APCDD1L: variants seen among roughly 807,000 people sequenced by gnomAD.
The protein encoded by APCDD1L is protein APCDD1-like.
A neutral mutation model predicts 24.2 loss-of-function variants in APCDD1L; 21 were observed. The ratio of observed to expected loss-of-function variants is 0.87; its 90% CI spans 0.61 to 1.25. The LOEUF (loss-of-function observed/expected upper bound fraction) is 1.25. Among genes scored for constraint, APCDD1L ranks in the 50% most tolerant of loss-of-function variants. The probability of loss-of-function intolerance (pLI) is 0.00; values close to 1 mark genes in which losing one functional copy is unlikely to be tolerated. For synonymous variants in APCDD1L, 321 were observed against 323.6 expected (o/e 0.99, Z 0.09); for missense variants, 704 against 711.7 (o/e 0.99, Z 0.12).
At position 58,461,753 on chromosome 20, in the gene APCDD1L, T is replaced by C; in HGVS notation, c.742-199A>G. 1 of 467,566 alleles carries C rather than the reference T, an allele frequency of 2.1e-6. No homozygotes were observed. Among genetic ancestry groups the C allele is most frequent in the East Asian group, 3.5e-5 (1 of 28,894 alleles). The allele number at this position is 467,566 out of a possible 1,614,324, so 29.0% of individuals were successfully genotyped here. On this transcript the variant is annotated intron_variant, in intron 3 of 3. Coordinates refer to ENST00000371149, the MANE Select transcript of APCDD1L (RefSeq NM_153360.3). The surrounding 1 kb of genome is among the most constrained non-coding windows in gnomAD (Gnocchi z 6.0). ...GCCAGGATGGCCTCCTTGATGGAGG[T>C]CAGCCCCTGTATCCCCCGGGCCTTG...
At chr20:58,503,377 C>G (rs1011911969) in intron 1 of APCDD1L, among the ~76,000 whole-genome samples, 1 of 152,178 alleles carries the variant, frequency 6.6e-6, no homozygotes, top group Non-Finnish European at 1.5e-5. Flanking sequence ...TTGGTTAAAG[C>G]TGATGGGCCA....
Position 58,467,337 on chromosome 20 carries a change from A to G in APCDD1L, c.510T>C (p.Pro170=), listed in dbSNP as rs1176161745. 2.0e-6 allele frequency: 3 copies of G among 1,497,578 alleles called. No individual in the cohort carries two copies. The highest frequency in any genetic ancestry group is 1.5e-5 in the African/African-American group (1 of 68,534). 92.8% of individuals were successfully genotyped at this position (1,497,578 alleles called of 1,614,324 possible). A position where few individuals can be genotyped will look rare whatever the true frequency, so the allele number is the denominator to read the frequency against. ...RRLPPARAWL[P]GALYELRSAR... ...CGCTCCGCAGCTCGTACAGCGCCCCAGGCAGCCAGGCCCGGGCCGGAGGCA... is the reference window on the plus strand; with the variant it reads ...CGCTCCGCAGCTCGTACAGCGCCCCGGGCAGCCAGGCCCGGGCCGGAGGCA... Residue 170 remains proline, a synonymous_variant, in exon 3 of 4, where the codon CCT becomes CCC. Coordinates refer to ENST00000371149, the MANE Select transcript of APCDD1L (RefSeq NM_153360.3). This position sits in a 1 kb window ranked among gnomAD's most constrained non-coding sequence, Gnocchi z 5.9.
chr20:58,470,598 T>C lies in APCDD1L; in HGVS notation c.188+11A>G, dbSNP rs575647147. On this transcript the variant is annotated intron_variant, in intron 2 of 3. Transcript: ENST00000371149. The stretch of plus-strand genomic sequence containing the variant: ...CCAGGGGTCCATGGTCAGGATGACC[T>C]GAAGTCTTACCCTGTGGAGATCCAA... 2 of 1,584,336 alleles carry C rather than the reference T, an allele frequency of 1.3e-6. No homozygotes were observed. Among genetic ancestry groups the C allele is most frequent in the South Asian group, 2.3e-5 (2 of 86,238 alleles).
chr20:58,505,935 G>A (rs1990521191), intron 1 of APCDD1L, among the ~76,000 whole-genome samples: 1 of 152,172 alleles, frequency 6.6e-6, no homozygotes, highest in African/African-American at 2.4e-5. Flanking sequence ...TAAAGCCAGG[G>A]AATGCCAAGG....
Position 58,467,580 on chromosome 20 carries a change from C to T in APCDD1L, c.267G>A (p.Gln89=). The T allele has an allele frequency of 6.4e-7, 1 of 1,568,534 alleles. No homozygotes were observed. The highest frequency in any genetic ancestry group is 8.7e-7 in the Non-Finnish European group (1 of 1,155,238). ...CGCAGAAGGGGTCCTCGTAGTAGAA[C>T]TGGTGGGCTCGAAAGAGCCGGCTGG... is the stretch of plus-strand genomic sequence containing the variant. ...FYPSRLFRAH[Q]FYYEDPFCGE... is the part of the protein sequence containing the mutation. Residue 89 remains glutamine (Q), a synonymous_variant, in exon 3 of 4, where the codon CAG becomes CAA. Coordinates refer to ENST00000371149, the MANE Select transcript of APCDD1L (RefSeq NM_153360.3). The surrounding 1 kb of genome is among the most constrained non-coding windows in gnomAD (Gnocchi z 5.9).
chr20:58,505,772 A>G (rs1040947838), intron 1 of APCDD1L, among the ~76,000 whole-genome samples: 3 of 152,310 alleles, frequency 2.0e-5, no homozygotes, highest in East Asian at 3.9e-4. Flanking sequence ...TGCAGGTGTA[A>G]CTAATTAAAA....
chr20:58,499,539 A>G (rs1600874016), intron 1 of APCDD1L, among the ~76,000 whole-genome samples: 1 of 152,000 alleles, frequency 6.6e-6, no homozygotes, highest in Admixed American at 6.5e-5. Context: ...CCCCATTCCC[A>G]CTTCCTTGCC....
rs990490909 is a variant in APCDD1L at position 58,459,355 on chromosome 20, G to C, written c.*1435C>G. On this transcript the variant is annotated 3_prime_UTR_variant, in exon 4 of 4. Coordinates refer to ENST00000371149, the MANE Select transcript of APCDD1L (RefSeq NM_153360.3). ...GCTACAGAGAATACTAACTTGGTGG[G>C]CTTTTTTTTTTTTTAAGAGGAAGGA... The C allele has an allele frequency of 6.7e-6, 1 of 149,476 alleles. No individual in the cohort carries two copies. The highest frequency in any genetic ancestry group is 1.5e-5 in the Non-Finnish European group (1 of 67,174). 9.3% of individuals were successfully genotyped at this position (149,476 alleles called of 1,614,324 possible). A position where few individuals can be genotyped will look rare whatever the true frequency, so the allele number is the denominator to read the frequency against.
intron 1 of APCDD1L, among the ~76,000 whole-genome samples, chr20:58,483,782 T>C (rs1012771652): frequency 9.2e-5 from 14 of 152,090 alleles, no homozygotes; most frequent in African/African-American, 3.4e-4. Flanking sequence ...ACCAATTCAA[T>C]TCATGAGCGA....
At chr20:58,489,543 G>A (rs528386429) in intron 1 of APCDD1L, among the ~76,000 whole-genome samples, 152 of 152,152 alleles carry the variant, frequency 1.0e-3, no homozygotes, top group African/African-American at 3.5e-3. Context: ...AATTAGCTGG[G>A]TGTGGTGGCG....
intron 1 of APCDD1L, among the ~76,000 whole-genome samples, chr20:58,501,938 C>T (rs780531274): frequency 6.6e-5 from 10 of 152,340 alleles, no homozygotes; most frequent in Admixed American, 1.3e-4. Flanking sequence ...GATCTTCTAG[C>T]GCTGGCTCCT....
intron 3 of APCDD1L, among the ~76,000 whole-genome samples, chr20:58,462,259 C>G (rs1168928425): frequency 1.3e-5 from 2 of 152,138 alleles, no homozygotes; most frequent in South Asian, 2.1e-4. Flanking sequence ...CTATGCTAAG[C>G]ACTTCCTGGG....
chr20:58,513,591 A>G (rs868104277), intron 1 of APCDD1L, among the ~76,000 whole-genome samples: 1 of 152,158 alleles, frequency 6.6e-6, no homozygotes, highest in Non-Finnish European at 1.5e-5. Context: ...CTCCTTGCCT[A>G]TACATGGAGC....
In APCDD1L at chr20:58,467,059, C is replaced by T; in HGVS notation, c.741+47G>A. 1 of 1,545,174 alleles carries T rather than the reference C, an allele frequency of 6.5e-7. No individual in the cohort carries two copies. The highest frequency in any genetic ancestry group is 1.2e-5 in the South Asian group (1 of 84,270). ...CGGGGCTGGGTTCCGAGCTCGCCTC[C>T]CCGAGACCACCACCCCCCTCTCCCA... On this transcript the variant is annotated intron_variant, in intron 3 of 3. Transcript: ENST00000371149. This position sits in a 1 kb window ranked among gnomAD's most constrained non-coding sequence, Gnocchi z 5.9.
intron 1 of APCDD1L, among the ~76,000 whole-genome samples, chr20:58,493,735 A>G (rs1276702978): frequency 1.3e-5 from 2 of 152,192 alleles, no homozygotes; most frequent in African/African-American, 2.4e-5. Context: ...TCAGAAAGGG[A>G]GAACAGGTGA....
intron 1 of APCDD1L, among the ~76,000 whole-genome samples, chr20:58,499,326 C>T (rs1261221619): frequency 3.3e-5 from 5 of 151,938 alleles, no homozygotes; most frequent in African/African-American, 1.2e-4. Context: ...CCAGCTAAGA[C>T]AGGGCTTTGC....
rs1422632928 is a variant in APCDD1L, at chr20:58,497,345, G to A, written c.49+17314C>T. Among the ~76,000 whole-genome samples, 1 of 152,098 alleles carries A rather than the reference G, an allele frequency of 6.6e-6. No individual in the cohort carries two copies. Among genetic ancestry groups the A allele is most frequent in the Non-Finnish European group, 1.5e-5 (1 of 67,986 alleles). On this transcript the variant is annotated intron_variant, in intron 1 of 3. Coordinates refer to ENST00000371149, the MANE Select transcript of APCDD1L (RefSeq NM_153360.3). This position sits in a 1 kb window ranked among gnomAD's most constrained non-coding sequence, Gnocchi z 4.3. The stretch of plus-strand genomic sequence containing the variant: ...TGGGGGAGTCTCCCTGCCATGGGGA[G>A]AGGGCCCACTAGGAGGCCCAGGGAA...
intron 1 of APCDD1L, among the ~76,000 whole-genome samples, chr20:58,506,776 T>C (rs1020843433): frequency 3.9e-5 from 6 of 152,242 alleles, no homozygotes; most frequent in Admixed American, 3.3e-4. Context: ...TAAGCCATGT[T>C]ATATAAACAG....
chr20:58,514,431 C>T (rs1037954738), intron 1 of APCDD1L, among the ~76,000 whole-genome samples: 35 of 152,202 alleles, frequency 2.3e-4, no homozygotes, highest in Admixed American at 2.3e-3. Flanking sequence ...TGCAGCGGCT[C>T]TCATATTGCG....
Sources: allele counts gnomAD v4.1 joint callset (sites outside exome capture counted in the v4.1 genomes callset), GRCh38; gene constraint gnomAD v4.1.1; non-coding constraint Gnocchi (gnomAD v3.1); transcripts MANE v1.5; gene names NCBI Gene and HGNC (gene_info 2026-07-23, HGNC 2026-07-21).